Variants in ALKBH3 observed in about 807,000 individuals in gnomAD.
The protein encoded by ALKBH3 is alpha-ketoglutarate-dependent dioxygenase alkB homolog 3.
Under a neutral mutation model 43.9 loss-of-function variants are expected in ALKBH3, and 51 were observed. That is an observed-to-expected ratio of 1.16 (90% confidence interval 0.93 to 1.47). The LOEUF (loss-of-function observed/expected upper bound fraction) is 1.47. ALKBH3 is among the 40% of genes most tolerant of loss of function. The pLI is 0.00. For missense variants in ALKBH3, 361 were observed against 351.9 expected (o/e 1.03, Z -0.21); for synonymous variants, 102 against 115.2 (o/e 0.89, Z 0.73).
rs200262136 is a variant in ALKBH3 at position 43,883,086 on chromosome 11, T to A, written c.81T>A (p.Ala27=). 5 of 1,613,700 alleles carry A rather than the reference T, an allele frequency of 3.1e-6. No individual in the cohort carries two copies. The highest frequency in any genetic ancestry group is 4.2e-6 in the Non-Finnish European group (5 of 1,179,714). ...AGGCTGTCCCCTCTCTTGCTTCAGC[T>A]ACCACTGCTAAGAGCCATCTCCACC... ...PVKSQAIAQP[A]TTAKSHLHQK... Residue 27 remains alanine, a splice_region_variant and synonymous_variant, in exon 3 of 10, where the codon GCT becomes GCA. Coordinates refer to ENST00000302708, the MANE Select transcript of ALKBH3 (RefSeq NM_139178.4).
At chr11:43,898,140 CA>C (rs763806732) in intron 7 of ALKBH3, 3 of 1,197,072 alleles carry the variant, frequency 2.5e-6, no homozygotes, top group Non-Finnish European at 3.7e-6. Context: ...TCCCTGATAA[CA>C]AACTAGATGC....
rs1467717621 is a variant in ALKBH3, at chr11:43,900,221, T to A, written c.460-1295T>A. On this transcript the variant is annotated intron_variant, in intron 7 of 9. Coordinates refer to ENST00000302708, the MANE Select transcript of ALKBH3 (RefSeq NM_139178.4). ...TTTTTTTTATTTTAATTTAATTTTT[T>A]TTTTTTTTTTTTTTTTTTTTGCGAC... is the stretch of plus-strand genomic sequence containing the variant. 4.0e-5 allele frequency among the ~76,000 whole-genome samples: 5 copies of A among 126,342 alleles called. No individual in the cohort carries two copies. The Admixed American group carries it at 4.0e-4, about 10-fold the overall frequency. The allele number at this position is 126,342 out of a possible 152,430, so 82.9% of individuals were successfully genotyped here.
chr11:43,897,739 T>C, intron 7 of ALKBH3: 1 of 799,208 alleles, frequency 1.3e-6, no homozygotes, highest in Non-Finnish European at 2.3e-6. Context: ...ACTTTGCACA[T>C]TGAGGGTCAT....
chr11:43,901,642 C>A lies in ALKBH3; in HGVS notation c.586C>A (p.Pro196Thr), dbSNP rs1565126834. The change falls in exon 8 of 10, where the codon CCC becomes ACC. Residue 196 changes from proline (P) to threonine (T), a missense_variant. Coordinates refer to ENST00000302708, the MANE Select transcript of ALKBH3 (RefSeq NM_139178.4). Reference protein sequence around the residue: ...DSVDWHSDDEPSLGRCPIIAS... With the variant: ...DSVDWHSDDETSLGRCPIIAS... ...CGTGGACTGGCACAGTGATGATGAA[C>A]CCTCACTAGGGAGGTGCCCCATTAT... 4 of 1,614,232 alleles carry A rather than the reference C, an allele frequency of 2.5e-6. No homozygotes were observed. The highest frequency in any genetic ancestry group is 2.2e-5 in the East Asian group (1 of 44,886).
intron 2 of ALKBH3, 175 bp downstream of exon 2, chr11:43,882,906 A>C: frequency 1.2e-6 from 1 of 848,486 alleles, no homozygotes; most frequent in South Asian, 1.9e-5. Flanking sequence ...GTGGGTCTTT[A>C]ATGTTCCTCA....
At chr11:43,900,309 C>T (rs745400577) in intron 7 of ALKBH3, among the ~76,000 whole-genome samples, 8 of 149,036 alleles carry the variant, frequency 5.4e-5, no homozygotes, top group South Asian at 2.1e-4. Context: ...CTGCAGCCTC[C>T]GCCTCCCGGG....
intron 7 of ALKBH3, chr11:43,897,253 T>C (rs1257658511): frequency 7.2e-6 from 4 of 559,134 alleles, no homozygotes; most frequent in South Asian, 5.6e-5. Context: ...CCGCGACTGC[T>C]CCGCAGAGCT....
At chr11:43,899,708 T>C in intron 7 of ALKBH3, 1 of 310,836 alleles carries the variant, frequency 3.2e-6, no homozygotes, top group Non-Finnish European at 6.0e-6. Context: ...AACATAGTCA[T>C]TTCATCCCAA....
At chr11:43,898,101 C>T in intron 7 of ALKBH3, 1 of 1,063,060 alleles carries the variant, frequency 9.4e-7, no homozygotes, top group Non-Finnish European at 1.5e-6. Context: ...CCCTCAGCAG[C>T]CCCAGTGCAC....
chr11:43,897,687 G>A (rs558998580), intron 7 of ALKBH3: 11 of 823,372 alleles, frequency 1.3e-5, no homozygotes, highest in Admixed American at 5.1e-5. Context: ...AGTTGATTAC[G>A]TTTATTTTGT....
Position 43,900,215 on chromosome 11 carries a change from A to ATT in ALKBH3, c.460-1276_460-1275dup, listed in dbSNP as rs34274072. Among the ~76,000 whole-genome samples the ATT allele has an allele frequency of 6.5e-4, 57 of 87,162 alleles. 2 individuals carry two copies. Among genetic ancestry groups the ATT allele is most frequent in the African/African-American group, 1.8e-3 (40 of 22,414 alleles). The allele number at this position is 87,162 out of a possible 152,430, so 57.2% of individuals were successfully genotyped here. A position where few individuals can be genotyped will look rare whatever the true frequency, so the allele number is the denominator to read the frequency against. Reference sequence around the variant, plus strand: ...ATTGCATTTTTTTTATTTTAATTTAATTTTTTTTTTTTTTTTTTTTTTTTT... The same window carrying ATT: ...ATTGCATTTTTTTTATTTTAATTTAATTTTTTTTTTTTTTTTTTTTTTTTTTT... On this transcript the variant is annotated intron_variant, in intron 7 of 9. Coordinates refer to ENST00000302708, the MANE Select transcript of ALKBH3 (RefSeq NM_139178.4).
At chr11:43,886,494 TA>T in intron 4 of ALKBH3, 111 bp from the exon 5 acceptor site, 2 of 978,476 alleles carry the variant, frequency 2.0e-6, no homozygotes, top group Non-Finnish European at 1.6e-6. Context: ...CTCTCATAAC[TA>T]AATGACTTTG....
intron 6 of ALKBH3, among the ~76,000 whole-genome samples, chr11:43,891,135 CTCATGCAT>C (rs1184490190): frequency 6.6e-6 from 1 of 152,118 alleles, no homozygotes; most frequent in Admixed American, 6.6e-5. Context: ...ATTTTTGTTA[CTCATGCAT>C]CAGAATAGGA....
chr11:43,897,661 T>C (rs1448167370), intron 7 of ALKBH3: 3 of 873,266 alleles, frequency 3.4e-6, no homozygotes, highest in Non-Finnish European at 6.0e-6. Flanking sequence ...CCAAGACTGC[T>C]GAAGAAGATT....
intron 6 of ALKBH3, 93 bp downstream of exon 6, chr11:43,889,921 C>A: frequency 3.7e-6 from 4 of 1,090,350 alleles, no homozygotes; most frequent in Non-Finnish European, 4.0e-6. Context: ...CAAAGCTAGT[C>A]TTAAACAGAA....
chr11:43,904,084 G>A (rs939670545), intron 8 of ALKBH3, among the ~76,000 whole-genome samples: 1 of 152,216 alleles, frequency 6.6e-6, no homozygotes, highest in Non-Finnish European at 1.5e-5. Context: ...GCCCCATGCT[G>A]TAGCTTTCTC....
intron 7 of ALKBH3, chr11:43,897,659 G>A: frequency 6.7e-6 from 6 of 891,804 alleles, no homozygotes; most frequent in East Asian, 2.4e-5. Context: ...CACCAAGACT[G>A]CTGAAGAAGA....
intron 4 of ALKBH3, among the ~76,000 whole-genome samples, chr11:43,884,884 T>A (rs1255920749): frequency 6.6e-6 from 1 of 152,158 alleles, no homozygotes; most frequent in African/African-American, 2.4e-5. Context: ...CCCGAGTAGC[T>A]GGGACCACAG....
chr11:43,915,312 G>GA (rs1210911927), intron 8 of ALKBH3, among the ~76,000 whole-genome samples: 1 of 151,950 alleles, frequency 6.6e-6, no homozygotes, highest in African/African-American at 2.4e-5. Context: ...ACTGTCAGTT[G>GA]ATAATGTTCA....
Sources: gnomAD v4.1 joint callset for allele counts (sites outside exome capture counted in the v4.1 genomes callset) on GRCh38, gnomAD v4.1.1 for gene constraint, MANE v1.5 for transcripts, NCBI Gene and HGNC (gene_info 2026-07-23, HGNC 2026-07-21) for gene names.